Variants in ZDHHC21 observed in about 807,000 individuals in gnomAD.
ZDHHC21 encodes the protein palmitoyltransferase ZDHHC21.
ZDHHC21 carries 15 observed loss-of-function variants against 34.6 expected under a neutral mutation model. The observed-to-expected ratio is 0.43, with a 90% CI of 0.29 to 0.67. The LOEUF (loss-of-function observed/expected upper bound fraction) is 0.67. ZDHHC21 is among the 30% of genes least tolerant of loss of function. The probability of loss-of-function intolerance (pLI) is 0.14; values close to 1 mark genes in which losing one functional copy is unlikely to be tolerated. For missense variants in ZDHHC21, 344 were observed against 327.7 expected, an observed-to-expected ratio of 1.05 and a Z score of -0.38; for synonymous variants, 142 against 101.8, an observed-to-expected ratio of 1.40 and a Z score of -2.38.
At chr9:14,642,523 G>A (rs1363588203) in intron 7 of ZDHHC21, among the ~76,000 whole-genome samples, 2 of 152,148 alleles carry the variant, frequency 1.3e-5, no homozygotes, top group African/African-American at 2.4e-5. Context: ...TGTAGTTGGA[G>A]ACAAAGCCTT....
At chr9:14,633,003 G>A (rs969537682) in intron 8 of ZDHHC21, among the ~76,000 whole-genome samples, 7 of 152,166 alleles carry the variant, frequency 4.6e-5, no homozygotes, top group African/African-American at 1.7e-4. Flanking sequence ...GAAAAACAGT[G>A]GCAGTTCTTT....
In ZDHHC21 at chr9:14,611,612, T is replaced by C. The variant is rs1279579041; in HGVS notation, c.*7354A>G. 1 of 152,012 alleles carries C rather than the reference T, an allele frequency of 6.6e-6. No individual in the cohort carries two copies. The highest frequency in any genetic ancestry group is 6.6e-5 in the Admixed American group (1 of 15,236). The allele number at this position is 152,012 out of a possible 1,614,324, so 9.4% of individuals were successfully genotyped here. On this transcript the variant is annotated 3_prime_UTR_variant, in exon 10 of 10. Transcript: ENST00000380916. ...TATTAAAAGCATTTTAGGGATATAATACTAGACAGAACTTGGGGTTCACAC... is the reference window on the plus strand; with the variant it reads ...TATTAAAAGCATTTTAGGGATATAACACTAGACAGAACTTGGGGTTCACAC...
chr9:14,656,012 T>A (rs1193178659), intron 7 of ZDHHC21, among the ~76,000 whole-genome samples: 2 of 149,518 alleles, frequency 1.3e-5, no homozygotes, highest in African/African-American at 4.9e-5. Context: ...AGAAAAAAAA[T>A]TTGAAGGCAA....
rs542593121 is a variant in ZDHHC21, at chr9:14,688,969, G to C, written c.-176+1368C>G. Among the ~76,000 whole-genome samples, 6 of 152,224 alleles carry C rather than the reference G, an allele frequency of 3.9e-5. No individual in the cohort carries two copies. In the South Asian group the frequency reaches 1.2e-3, roughly 32 times the overall value. On this transcript the variant is annotated intron_variant, in intron 2 of 9. Coordinates refer to ENST00000380916, the MANE Select transcript of ZDHHC21 (RefSeq NM_178566.6). ...TGAAGTGGGAGGATCGCTTAAGCCA[G>C]GGAGATGGAGACCAAGGCTGCAGTG...
rs1824344594 is a variant in ZDHHC21 at position 14,617,085 on chromosome 9, G to A, written c.*1881C>T. On this transcript the variant is annotated 3_prime_UTR_variant, in exon 10 of 10. Coordinates refer to ENST00000380916, the MANE Select transcript of ZDHHC21 (RefSeq NM_178566.6). ...TGTATACAATATAAGGCATTCAACT[G>A]ATATCTACCTACCTTATCTATATAT... is the stretch of plus-strand genomic sequence containing the variant. 6.6e-6 allele frequency: 1 copy of A among 151,852 alleles called. No individual in the cohort carries two copies. The highest frequency in any genetic ancestry group is 2.4e-5 in the African/African-American group (1 of 41,404). The allele number at this position is 151,852 out of a possible 1,614,324, so 9.4% of individuals were successfully genotyped here. A position where few individuals can be genotyped will look rare whatever the true frequency, so the allele number is the denominator to read the frequency against.
At chr9:14,623,915 G>A (rs573316685) in intron 8 of ZDHHC21, among the ~76,000 whole-genome samples, 2 of 152,084 alleles carry the variant, frequency 1.3e-5, no homozygotes, top group East Asian at 3.9e-4. Context: ...TCTTGTTGGG[G>A]AAAGTGTAAA....
intron 3 of ZDHHC21, 75 bp from the exon 4 acceptor site, chr9:14,674,460 T>G: frequency 2.3e-6 from 2 of 880,876 alleles, no homozygotes; most frequent in Non-Finnish European, 3.4e-6. Context: ...TGGCAACTTT[T>G]ATAAAATGAC....
intron 8 of ZDHHC21, among the ~76,000 whole-genome samples, chr9:14,635,196 T>G (rs1411104731): frequency 6.6e-6 from 1 of 152,128 alleles, no homozygotes; most frequent in Non-Finnish European, 1.5e-5. Flanking sequence ...TACCATGAAG[T>G]GACCAAATAC....
intron 4 of ZDHHC21, 38 bp from the exon 5 acceptor site, chr9:14,672,966 C>A (rs1233089856): frequency 1.6e-6 from 2 of 1,259,898 alleles, no homozygotes; most frequent in South Asian, 1.6e-5. Flanking sequence ...AGTCACTTAC[C>A]CTTCAAAACA....
chr9:14,637,842 T>C (rs1467634306), intron 8 of ZDHHC21, among the ~76,000 whole-genome samples: 3 of 151,860 alleles, frequency 2.0e-5, no homozygotes, highest in Non-Finnish European at 4.4e-5. Context: ...AAGATCTCTA[T>C]AAGGAAAACT....
intron 2 of ZDHHC21, among the ~76,000 whole-genome samples, chr9:14,687,985 A>G (rs1249718241): frequency 6.6e-6 from 1 of 150,938 alleles, no homozygotes; most frequent in African/African-American, 2.5e-5. Context: ...TTGACTTCTG[A>G]TATCATTCTA....
chr9:14,693,256 C>G lies in ZDHHC21; in HGVS notation c.-252G>C, dbSNP rs1292122592. On this transcript the variant is annotated 5_prime_UTR_variant, in exon 1 of 10. Coordinates refer to ENST00000380916, the MANE Select transcript of ZDHHC21 (RefSeq NM_178566.6). ...TCGCCGCTGGCTCGCCTCTCGCTGC[C>G]GCCGCTCTCCCGACCGCCAGCAGCT... 1 of 414,692 alleles carries G rather than the reference C, an allele frequency of 2.4e-6. No individual in the cohort carries two copies. The highest frequency in any genetic ancestry group is 1.7e-5 in the South Asian group (1 of 60,360). The allele number at this position is 414,692 out of a possible 1,614,324, so 25.7% of individuals were successfully genotyped here.
intron 8 of ZDHHC21, among the ~76,000 whole-genome samples, chr9:14,631,522 T>G (rs1443308813): frequency 1.3e-5 from 2 of 152,220 alleles, no homozygotes; most frequent in African/African-American, 2.4e-5. Flanking sequence ...TAAATTTCCT[T>G]CAAAAACTTT....
chr9:14,679,691 T>G (rs570519858), intron 3 of ZDHHC21, among the ~76,000 whole-genome samples: 12 of 152,260 alleles, frequency 7.9e-5, no homozygotes, highest in African/African-American at 2.9e-4. Flanking sequence ...ACTGTTTAAT[T>G]TAGGCCTCTT....
chr9:14,672,127 A>G (rs1365426867), intron 5 of ZDHHC21, among the ~76,000 whole-genome samples: 2 of 152,104 alleles, frequency 1.3e-5, no homozygotes, highest in Non-Finnish European at 2.9e-5. Flanking sequence ...GCAGAAACGC[A>G]TGTAAAATAC....
rs1329720248 is a variant in ZDHHC21, at chr9:14,658,817, T to C, written c.436A>G (p.Thr146Ala). Residue 146 changes from threonine (T) to alanine (A), a missense_variant, in exon 7 of 10, where the codon ACT becomes GCT. Physicochemically the swap from Thr to Ala is moderately conservative, Grantham distance 58. Coordinates refer to ENST00000380916, the MANE Select transcript of ZDHHC21 (RefSeq NM_178566.6). Reference protein sequence around the residue: ...LQLCFYTELLTCYALMFSFCH... With the variant: ...LQLCFYTELLACYALMFSFCH... ...AAAGAAAACATCAGTGCGTAGCAAG[T>C]AAGAAGTTCAGTGTAGAAACACAAC... is the stretch of plus-strand genomic sequence containing the variant. The C allele has an allele frequency of 6.2e-7, 1 of 1,613,726 alleles. No individual in the cohort carries two copies. Among genetic ancestry groups the C allele is most frequent in the Non-Finnish European group, 8.5e-7 (1 of 1,179,906 alleles).
At chr9:14,671,572 A>AT (rs1835442583) in intron 5 of ZDHHC21, among the ~76,000 whole-genome samples, 1 of 152,054 alleles carries the variant, frequency 6.6e-6, no homozygotes, top group Non-Finnish European at 1.5e-5. Context: ...CTTGGGGTAA[A>AT]TTTTTGAGAG....
chr9:14,669,994 T>TA (rs762959364), intron 5 of ZDHHC21, among the ~76,000 whole-genome samples: 2 of 149,570 alleles, frequency 1.3e-5, no homozygotes, highest in Non-Finnish European at 3.0e-5. Context: ...CCCTAAAACT[T>TA]AAAGTATAAT....
In ZDHHC21 at chr9:14,611,237, C is replaced by A. The variant is rs1164698934; in HGVS notation, c.*7729G>T. 1 of 151,884 alleles carries A rather than the reference C, an allele frequency of 6.6e-6. No individual in the cohort carries two copies. 9.4% of individuals were successfully genotyped at this position (151,884 alleles called of 1,614,324 possible). A position where few individuals can be genotyped will look rare whatever the true frequency, so the allele number is the denominator to read the frequency against. On this transcript the variant is annotated 3_prime_UTR_variant, in exon 10 of 10. Transcript: ENST00000380916. ...CGCTACAATAAATTAAAAACAACAA[C>A]ATTGTTCTTAAGGTAGATACATGGT... is the stretch of plus-strand genomic sequence containing the variant.
Sources: gnomAD v4.1 joint callset for allele counts (sites outside exome capture counted in the v4.1 genomes callset) on GRCh38, gnomAD v4.1.1 for gene constraint, MANE v1.5 for transcripts, NCBI Gene and HGNC (gene_info 2026-07-23, HGNC 2026-07-21) for gene names.